The following IRAK3 variants were observed in gnomAD, a reference collection of about 807,000 sequenced individuals.
The protein encoded by IRAK3 is interleukin 1 receptor associated kinase 3, also known as interleukin-1 receptor-associated kinase 3.
Under a neutral mutation model 56.6 loss-of-function variants are expected in IRAK3, and 57 were observed. The observed-to-expected ratio is 1.01, with a 90% CI of 0.81 to 1.26. The LOEUF is 1.26. Among genes scored for constraint, IRAK3 ranks in the 50% most tolerant of loss-of-function variants. The pLI is 0.00. For synonymous variants in IRAK3, 258 were observed against 255.7 expected, an observed-to-expected ratio of 1.01 and a Z score of -0.09; for missense variants, 703 against 719.0, an observed-to-expected ratio of 0.98 and a Z score of 0.25.
rs1390501413 is a variant in IRAK3 at position 66,228,360 on chromosome 12, A to G, written c.877A>G (p.Ser293Gly). The G allele has an allele frequency of 3.1e-6, 5 of 1,610,982 alleles. No individual in the cohort carries two copies. In the Admixed American group the frequency reaches 6.7e-5, roughly 21 times the overall value. The change falls in exon 8 of 12, where the codon AGT becomes GGT. Residue 293 changes from serine to glycine, a missense_variant. Physicochemically the swap from Ser to Gly is moderately conservative, Grantham distance 56. Coordinates refer to ENST00000261233, the MANE Select transcript of IRAK3 (RefSeq NM_007199.3). ...NVQPCSVICG[S>G]ISSANILLDD... ...TCAACCATGCTCGGTCATCTGTGGC[A>G]GTATATCAAGGTAAATTATTCCAGA...
intron 5 of IRAK3, among the ~76,000 whole-genome samples, chr12:66,215,001 A>G (rs1262457102): frequency 6.6e-6 from 1 of 152,212 alleles, no homozygotes; most frequent in Non-Finnish European, 1.5e-5. Flanking sequence ...TTTAAAAATT[A>G]TTTACCTAAT....
At chr12:66,205,170 A>G (rs1307479338) in intron 2 of IRAK3, among the ~76,000 whole-genome samples, 3 of 152,204 alleles carry the variant, frequency 2.0e-5, no homozygotes, top group Non-Finnish European at 4.4e-5. Context: ...GGTATGTTTT[A>G]TACTTCAGTG....
intron 8 of IRAK3, among the ~76,000 whole-genome samples, chr12:66,243,007 A>C (rs746320095): frequency 1.3e-4 from 19 of 151,948 alleles, no homozygotes; most frequent in Non-Finnish European, 2.5e-4. Context: ...CAGAGGTTGC[A>C]GTGAGCTGAG....
chr12:66,234,433 A>G, intron 8 of IRAK3: 1 of 1,611,472 alleles, frequency 6.2e-7, no homozygotes, highest in South Asian at 1.1e-5. Context: ...AGGGTGTAAT[A>G]GAAGTTTGAG....
intron 1 of IRAK3, chr12:66,197,030 T>G: frequency 6.5e-7 from 1 of 1,529,056 alleles, no homozygotes; most frequent in Non-Finnish European, 8.7e-7. Context: ...GAGACGTGAT[T>G]TCTGCAACTG....
chr12:66,210,003 CT>C, intron 3 of IRAK3, 143 bp from the exon 4 acceptor site: 1 of 605,900 alleles, frequency 1.7e-6, no homozygotes, highest in Admixed American at 3.2e-5. Context: ...AGTGAAATAA[CT>C]TTGATTTCTG....
In IRAK3 at chr12:66,210,189, C is replaced by T. The variant is rs374121984; in HGVS notation, c.424C>T (p.His142Tyr). ...CGTGGATAATGTTCTTATTCCTGAA[C>T]ATAATGAAAAAGGTATGAAAAAACC... ...VTVDNVLIPE[H>Y]NEKGILLKSS... The change falls in exon 4 of 12, where the codon CAT (histidine) becomes TAT (tyrosine). Residue 142 changes from histidine to tyrosine, a missense_variant. Coordinates refer to ENST00000261233, the MANE Select transcript of IRAK3 (RefSeq NM_007199.3). The T allele has an allele frequency of 3.7e-6, 6 of 1,601,448 alleles. No individual in the cohort carries two copies. Among genetic ancestry groups the T allele is most frequent in the Admixed American group, 1.7e-5 (1 of 59,842 alleles).
chr12:66,194,611 T>C (rs914605896), intron 1 of IRAK3, among the ~76,000 whole-genome samples: 2 of 152,064 alleles, frequency 1.3e-5, no homozygotes, highest in African/African-American at 4.8e-5. Flanking sequence ...GTGGATTGCT[T>C]GTGGTCAGGA....
Position 66,204,919 on chromosome 12 carries a change from A to G in IRAK3, c.316+1026A>G, listed in dbSNP as rs144352900. ...GGATATTAGTTCCTAATAGACTTCC[A>G]CCATGATATTATTCATATAACTTGG... is the stretch of plus-strand genomic sequence containing the variant. On this transcript the variant is annotated intron_variant, in intron 2 of 11. Transcript: ENST00000261233. 2.8e-3 allele frequency among the ~76,000 whole-genome samples: 433 copies of G among 152,190 alleles called. 2 individuals carry two copies. Among genetic ancestry groups the G allele is most frequent in the African/African-American group, 9.8e-3 (406 of 41,506 alleles).
chr12:66,199,490 C>T (rs988169291), intron 1 of IRAK3, among the ~76,000 whole-genome samples: 1 of 152,148 alleles, frequency 6.6e-6, no homozygotes, highest in African/African-American at 2.4e-5. Flanking sequence ...ATTTTTTCCT[C>T]CCCAGGATAG....
intron 4 of IRAK3, among the ~76,000 whole-genome samples, 192 bp downstream of exon 4, chr12:66,210,393 T>G (rs952435796): frequency 1.3e-5 from 2 of 152,202 alleles, no homozygotes; most frequent in Admixed American, 1.3e-4. Context: ...GTTATTATGT[T>G]AAGGCTCCAT....
intron 6 of IRAK3, among the ~76,000 whole-genome samples, chr12:66,222,778 C>T (rs2052747345): frequency 6.6e-6 from 1 of 152,010 alleles, no homozygotes; most frequent in African/African-American, 2.4e-5. Context: ...TTTTACCATA[C>T]TGTCATTTCA....
intron 1 of IRAK3, among the ~76,000 whole-genome samples, chr12:66,191,162 G>T (rs2052395439): frequency 1.3e-5 from 2 of 152,180 alleles, no homozygotes; most frequent in South Asian, 2.1e-4. Flanking sequence ...CTGTTGATAT[G>T]GGGAAGCTGT....
rs559261832 is a variant in IRAK3, at chr12:66,233,724, T to A, written c.887+5354T>A. On this transcript the variant is annotated intron_variant, in intron 8 of 11. Coordinates refer to ENST00000261233, the MANE Select transcript of IRAK3 (RefSeq NM_007199.3). ...ACAAAAATCCGGTCATGCACTTGGA[T>A]AAGTCTTCACGGTCTTTGTGCATAC... Among the ~76,000 whole-genome samples, 3 of 150,908 alleles carry A rather than the reference T, an allele frequency of 2.0e-5. No individual in the cohort carries two copies. In the South Asian group the frequency reaches 6.3e-4, roughly 32 times the overall value.
intron 2 of IRAK3, among the ~76,000 whole-genome samples, chr12:66,207,499 A>T (rs2052568952): frequency 6.7e-6 from 1 of 149,270 alleles, no homozygotes; most frequent in South Asian, 2.1e-4. Flanking sequence ...AACAGCAAAC[A>T]AACAAAAAAA....
At chr12:66,200,976 AATTTTTGT>A (rs764662473) in intron 1 of IRAK3, among the ~76,000 whole-genome samples, 45 of 152,094 alleles carry the variant, frequency 3.0e-4, no homozygotes, top group Non-Finnish European at 5.3e-4. Context: ...ACACCTGGCT[AATTTTTGT>A]ATTTTTGTAT....
At chr12:66,202,141 C>A (rs918123868) in intron 1 of IRAK3, among the ~76,000 whole-genome samples, 1 of 152,098 alleles carries the variant, frequency 6.6e-6, no homozygotes, top group Non-Finnish European at 1.5e-5. Context: ...CTGAAATATA[C>A]CCTGTGATGT....
Position 66,247,766 on chromosome 12 carries a change from C to T in IRAK3, c.1386C>T (p.Ser462=). The part of the protein sequence containing the change: ...FAEDPPTSLK[S]FRCPSPLFLE... ...AAGATCCTCCCACATCACTAAAGTC[C>T]TTCAGGTGTCCTTCTCCTCTATTCC... is the stretch of plus-strand genomic sequence containing the variant. The change falls in exon 12 of 12, where the codon TCC becomes TCT. Residue 462 remains serine (S), a synonymous_variant. Coordinates refer to ENST00000261233, the MANE Select transcript of IRAK3 (RefSeq NM_007199.3). The T allele has an allele frequency of 1.9e-6, 3 of 1,614,174 alleles. No individual in the cohort carries two copies. The highest frequency in any genetic ancestry group is 2.2e-5 in the South Asian group (2 of 91,086).
At chr12:66,236,175 C>CA (rs2052905461) in intron 8 of IRAK3, among the ~76,000 whole-genome samples, 1 of 152,012 alleles carries the variant, frequency 6.6e-6, no homozygotes, top group South Asian at 2.1e-4. Context: ...TTGTCTAAAG[C>CA]AAAGTGAAAT....
Sources: allele counts gnomAD v4.1 joint callset (sites outside exome capture counted in the v4.1 genomes callset), GRCh38; gene constraint gnomAD v4.1.1; transcripts MANE v1.5; gene names NCBI Gene and HGNC (gene_info 2026-07-23, HGNC 2026-07-21).